Variants in RANBP17 observed in about 807,000 individuals in gnomAD.
RANBP17 encodes ran-binding protein 17.
In RANBP17, 158 loss-of-function variants were observed where a neutral mutation model predicts 141.2. The observed-to-expected ratio is 1.12, with a 90% CI of 0.98 to 1.28. The LOEUF is 1.28. Ranked by LOEUF, RANBP17 falls within the 50% of genes most tolerant of loss-of-function variation. RANBP17 has a pLI of 0.00. For missense variants in RANBP17, 1,438 were observed against 1,290.7 expected, an observed-to-expected ratio of 1.11 and a Z score of -1.75; for synonymous variants, 430 against 450.0, an observed-to-expected ratio of 0.96 and a Z score of 0.56.
Position 170,878,116 on chromosome 5 carries a change from T to TGACAG in RANBP17, c.39_40insACAGG (p.Leu14ThrfsTer9). The TGACAG allele has an allele frequency of 6.4e-7, 1 of 1,565,588 alleles. No homozygotes were observed. The highest frequency in any genetic ancestry group is 8.6e-7 in the Non-Finnish European group (1 of 1,157,638). On this transcript the variant is annotated frameshift_variant, in exon 2 of 28. Transcript: ENST00000523189. LOFTEE classifies it high-confidence loss of function. Reference sequence around the variant, plus strand: ...TTGAAGAGTTTGGCTGAATTGGAAGTGTTATGTACTCATCTCTACATAGGG... The same window carrying TGACAG: ...TTGAAGAGTTTGGCTGAATTGGAAGTGACAGGTTATGTACTCATCTCTACATAGGG...
At chr5:171,278,290 G>A (rs961535340) in intron 25 of RANBP17, among the ~76,000 whole-genome samples, 5 of 152,044 alleles carry the variant, frequency 3.3e-5, no homozygotes, top group Admixed American at 6.6e-5. Flanking sequence ...AGGCCAAAGC[G>A]GGTGGATCAT....
intron 14 of RANBP17, among the ~76,000 whole-genome samples, chr5:171,002,194 G>T (rs1277191684): frequency 6.6e-6 from 1 of 152,116 alleles, no homozygotes; most frequent in South Asian, 2.1e-4. Flanking sequence ...AATAGAATGG[G>T]CCTGTGAGGC....
chr5:171,012,666 A>C (rs1329991561), intron 14 of RANBP17, among the ~76,000 whole-genome samples: 1 of 152,194 alleles, frequency 6.6e-6, no homozygotes, highest in Non-Finnish European at 1.5e-5. Context: ...AAGAGAAAGT[A>C]ATAACAGTAT....
chr5:171,190,774 G>C (rs909105289), intron 18 of RANBP17, among the ~76,000 whole-genome samples: 11 of 152,202 alleles, frequency 7.2e-5, no homozygotes, highest in African/African-American at 2.7e-4. Context: ...ATACTGAAGA[G>C]GGTAGGTGTG....
chr5:171,084,362 T>G (rs1194996935), intron 14 of RANBP17, among the ~76,000 whole-genome samples: 1 of 139,836 alleles, frequency 7.2e-6, no homozygotes, highest in African/African-American at 2.6e-5. Flanking sequence ...AGTCTATCAT[T>G]GTTGGACATT....
At chr5:170,995,866 T>C (rs1437156248) in intron 14 of RANBP17, among the ~76,000 whole-genome samples, 1 of 152,064 alleles carries the variant, frequency 6.6e-6, no homozygotes, top group African/African-American at 2.4e-5. Flanking sequence ...AGAAAATACA[T>C]TTAAATGTTA....
intron 14 of RANBP17, among the ~76,000 whole-genome samples, chr5:170,969,086 CT>C (rs1275840752): frequency 6.6e-6 from 1 of 151,538 alleles, no homozygotes; most frequent in Non-Finnish European, 1.5e-5. Flanking sequence ...CTAAAATAAA[CT>C]TTTTATACTC....
At chr5:170,909,815 T>TA (rs1771388545) in intron 6 of RANBP17, 50 bp downstream of exon 6, 2 of 999,882 alleles carry the variant, frequency 2.0e-6, no homozygotes, top group Admixed American at 2.0e-5. Context: ...TGGGAAATTT[T>TA]AAGAGTTTCA....
At chr5:170,922,817 G>A (rs1467430631) in intron 11 of RANBP17, among the ~76,000 whole-genome samples, 1 of 152,068 alleles carries the variant, frequency 6.6e-6, no homozygotes, top group Non-Finnish European at 1.5e-5. Flanking sequence ...TGCCCTCCGT[G>A]GGCTGCACCC....
chr5:171,267,546 G>A (rs1304955086), intron 25 of RANBP17, among the ~76,000 whole-genome samples: 4 of 152,092 alleles, frequency 2.6e-5, no homozygotes, highest in African/African-American at 7.2e-5. Context: ...AGTGACTCAC[G>A]CCTGTAATCT....
chr5:170,994,473 A>G (rs1415291730), intron 14 of RANBP17, among the ~76,000 whole-genome samples: 1 of 152,058 alleles, frequency 6.6e-6, no homozygotes, highest in African/African-American at 2.4e-5. Flanking sequence ...CATACGTGAA[A>G]AGGTCCAAGA....
chr5:170,917,731 C>T (rs1279733975), intron 9 of RANBP17, among the ~76,000 whole-genome samples: 1 of 152,074 alleles, frequency 6.6e-6, no homozygotes, highest in Non-Finnish European at 1.5e-5. Flanking sequence ...TTGTTTAACT[C>T]ACTATCATCA....
chr5:171,145,813 G>A (rs181115445), intron 14 of RANBP17, among the ~76,000 whole-genome samples: 11 of 152,128 alleles, frequency 7.2e-5, no homozygotes, highest in Admixed American at 3.3e-4. Flanking sequence ...GTCGTGTAGT[G>A]GATTAACTCT....
intron 14 of RANBP17, among the ~76,000 whole-genome samples, chr5:171,001,943 T>C (rs1268113245): frequency 6.6e-6 from 1 of 152,064 alleles, no homozygotes; most frequent in East Asian, 1.9e-4. Flanking sequence ...TTTAGTTTCC[T>C]GACTCGAGCC....
intron 11 of RANBP17, among the ~76,000 whole-genome samples, chr5:170,922,646 T>C (rs1365127866): frequency 2.0e-5 from 3 of 152,190 alleles, no homozygotes; most frequent in Non-Finnish European, 2.9e-5. Context: ...GGGTATCTCC[T>C]GGTCTGCAGG....
At chr5:171,227,462 G>T (rs1561781766) in intron 22 of RANBP17, among the ~76,000 whole-genome samples, 1 of 152,210 alleles carries the variant, frequency 6.6e-6, no homozygotes, top group African/African-American at 2.4e-5. Flanking sequence ...CAGAAGAAAA[G>T]TTGGAAGCTA....
intron 14 of RANBP17, among the ~76,000 whole-genome samples, chr5:171,080,980 C>T (rs1785229978): frequency 1.3e-5 from 2 of 152,096 alleles, no homozygotes; most frequent in South Asian, 4.2e-4. Flanking sequence ...TACTGAGAAC[C>T]TCCTTTGTAC....
rs116223319 is a variant in RANBP17 at position 171,149,578 on chromosome 5, C to T, written c.1711-20552C>T. Among the ~76,000 whole-genome samples the T allele has an allele frequency of 3.6e-3, 550 of 152,290 alleles. 6 individuals are homozygous for T. Among genetic ancestry groups the T allele is most frequent in the African/African-American group, 0.013 (525 of 41,562 alleles). On this transcript the variant is annotated intron_variant, in intron 14 of 27. Transcript: ENST00000523189. ...ATCTGGTAAAGACACGCTATGATTG[C>T]TTTCTTACAGTGTCCAGAAGCTAAT... is the stretch of plus-strand genomic sequence containing the variant.
intron 12 of RANBP17, among the ~76,000 whole-genome samples, chr5:170,946,746 CAT>C (rs773882560): frequency 3.3e-5 from 5 of 152,126 alleles, no homozygotes; most frequent in South Asian, 2.1e-4. Flanking sequence ...GCTTATCTAA[CAT>C]GTGTTTTCTA....
Sources: gnomAD v4.1 joint callset for allele counts (sites outside exome capture counted in the v4.1 genomes callset) on GRCh38, gnomAD v4.1.1 for gene constraint, MANE v1.5 for transcripts, NCBI Gene and HGNC (gene_info 2026-07-23, HGNC 2026-07-21) for gene names.